Variants in PTPRD observed in about 807,000 individuals in gnomAD.
PTPRD encodes the protein receptor-type tyrosine-protein phosphatase delta.
Under a neutral mutation model 214.5 loss-of-function variants are expected in PTPRD, and 34 were observed. The ratio of observed to expected loss-of-function variants is 0.16; its 90% CI spans 0.12 to 0.21. The LOEUF is 0.21. Among genes scored for constraint, PTPRD ranks in the 10% least tolerant of loss-of-function variants. The probability of loss-of-function intolerance (pLI) is 1.00; values close to 1 mark genes in which losing one functional copy is unlikely to be tolerated. For synonymous variants in PTPRD, 1,128 were observed against 845.7 expected (o/e 1.33, Z -5.79); for missense variants, 2,545 against 2,398.7 (o/e 1.06, Z -1.27).
intron 12 of PTPRD, among the ~76,000 whole-genome samples, chr9:8,714,869 T>G (rs1454800112): frequency 6.6e-6 from 1 of 152,156 alleles, no homozygotes; most frequent in Non-Finnish European, 1.5e-5. Context: ...TTATCAATTG[T>G]ATTGTTTATT....
At chr9:9,827,747 C>T (rs995802625) in intron 5 of PTPRD, among the ~76,000 whole-genome samples, 2 of 151,976 alleles carry the variant, frequency 1.3e-5, no homozygotes, top group East Asian at 1.9e-4. Flanking sequence ...AAAATGTTTG[C>T]AATCTACTCA....
chr9:9,075,588 G>A (rs958175622), intron 10 of PTPRD, among the ~76,000 whole-genome samples: 4 of 151,912 alleles, frequency 2.6e-5, no homozygotes, highest in Non-Finnish European at 4.4e-5. Context: ...AGGCCCTGAT[G>A]TGTGATGTTC....
At chr9:8,839,739 CT>C (rs368142882) in intron 11 of PTPRD, among the ~76,000 whole-genome samples, 1 of 152,290 alleles carries the variant, frequency 6.6e-6, no homozygotes, top group Non-Finnish European at 1.5e-5. Context: ...CTCTATTAAA[CT>C]GTTCCTCAAA....
rs561623619 is a variant in PTPRD at position 8,592,550 on chromosome 9, G to T, written c.352+40767C>A. ...CATTTTGATTACAGTCGACACCAAAGGCATTCACACTTGAGATACTGACTG... is the reference window on the plus strand; with the variant it reads ...CATTTTGATTACAGTCGACACCAAATGCATTCACACTTGAGATACTGACTG... On this transcript the variant is annotated intron_variant, in intron 14 of 45. Coordinates refer to ENST00000381196, the MANE Select transcript of PTPRD (RefSeq NM_002839.4). 9.2e-5 allele frequency among the ~76,000 whole-genome samples: 14 copies of T among 152,150 alleles called. No individual in the cohort carries two copies. In the South Asian group the frequency reaches 2.3e-3, roughly 25 times the overall value.
At chr9:8,778,397 TC>T (rs1313286743) in intron 11 of PTPRD, among the ~76,000 whole-genome samples, 2 of 152,198 alleles carry the variant, frequency 1.3e-5, no homozygotes, top group African/African-American at 4.8e-5. Context: ...TCTGTTGTAT[TC>T]CTGACAGCTC....
At chr9:9,923,009 C>T (rs2083030887) in intron 5 of PTPRD, among the ~76,000 whole-genome samples, 3 of 151,744 alleles carry the variant, frequency 2.0e-5, no homozygotes, top group Admixed American at 2.0e-4. Context: ...TACTACCATA[C>T]TGTAGGTAAG....
chr9:9,183,694 T>C (rs2099929600), intron 9 of PTPRD, among the ~76,000 whole-genome samples: 1 of 152,172 alleles, frequency 6.6e-6, no homozygotes, highest in Admixed American at 6.6e-5. Flanking sequence ...TTAAGTCCAG[T>C]AAACATCTTG....
chr9:10,141,094 G>T (rs541007565), intron 3 of PTPRD, among the ~76,000 whole-genome samples: 1 of 141,844 alleles, frequency 7.1e-6, no homozygotes, highest in African/African-American at 2.6e-5. Flanking sequence ...TTGATGGGAC[G>T]TATCTCAAAA....
chr9:8,822,531 A>G (rs1343561074), intron 11 of PTPRD, among the ~76,000 whole-genome samples: 2 of 152,198 alleles, frequency 1.3e-5, no homozygotes, highest in South Asian at 4.1e-4. Flanking sequence ...TGGTTGTTGA[A>G]GGCTAATGTT....
intron 5 of PTPRD, among the ~76,000 whole-genome samples, chr9:9,917,760 TATCTC>T (rs933841866): frequency 3.9e-5 from 6 of 152,032 alleles, no homozygotes; most frequent in African/African-American, 1.4e-4. Context: ...AAATGGGAGT[TATCTC>T]AGAAATGCAA....
chr9:9,697,166 G>A (rs566995131), intron 7 of PTPRD, among the ~76,000 whole-genome samples: 1 of 151,878 alleles, frequency 6.6e-6, no homozygotes, highest in South Asian at 2.1e-4. Flanking sequence ...CTATTTTTTT[G>A]ATAGATTGCT....
At chr9:9,831,802 G>A (rs1032709633) in intron 5 of PTPRD, among the ~76,000 whole-genome samples, 4 of 151,916 alleles carry the variant, frequency 2.6e-5, no homozygotes, top group African/African-American at 9.7e-5. Flanking sequence ...CAAGGTGGAG[G>A]GATGTATTTT....
chr9:9,804,120 C>T lies in PTPRD; in HGVS notation c.-367-37269G>A, dbSNP rs943587797. On this transcript the variant is annotated intron_variant, in intron 5 of 45. Transcript: ENST00000381196. Reference sequence around the variant, plus strand: ...GCTGTTTTTGATCAGCTTCTAACCTCAAGAAAAACTATTTTTCACTGGAAT... The same window carrying T: ...GCTGTTTTTGATCAGCTTCTAACCTTAAGAAAAACTATTTTTCACTGGAAT... Among the ~76,000 whole-genome samples, 54 of 152,052 alleles carry T rather than the reference C, an allele frequency of 3.6e-4. 1 individual carries two copies. The highest frequency in any genetic ancestry group is 1.3e-3 in the African/African-American group (52 of 41,430).
chr9:10,410,880 C>T (rs1325505013), intron 2 of PTPRD, among the ~76,000 whole-genome samples: 8 of 151,822 alleles, frequency 5.3e-5, no homozygotes, highest in South Asian at 2.1e-4. Context: ...AGTCTGCCTA[C>T]GTTTAAATCA....
intron 2 of PTPRD, among the ~76,000 whole-genome samples, chr9:10,435,583 T>C (rs1012201686): frequency 6.6e-6 from 1 of 151,910 alleles, no homozygotes; most frequent in Non-Finnish European, 1.5e-5. Context: ...TACTTCAAAT[T>C]ATTCTTATTT....
intron 5 of PTPRD, among the ~76,000 whole-genome samples, chr9:9,851,027 T>C (rs1369456289): frequency 1.3e-5 from 2 of 152,198 alleles, no homozygotes; most frequent in Admixed American, 6.5e-5. Flanking sequence ...GACAAAATTA[T>C]TTAACCTAAC....
At chr9:9,999,354 T>C (rs988838892) in intron 4 of PTPRD, among the ~76,000 whole-genome samples, 6 of 152,172 alleles carry the variant, frequency 3.9e-5, no homozygotes, top group African/African-American at 1.4e-4. Context: ...TCATGAAAGA[T>C]AAGTAACTGG....
At chr9:8,834,729 T>C (rs1156478116) in intron 11 of PTPRD, among the ~76,000 whole-genome samples, 1 of 152,194 alleles carries the variant, frequency 6.6e-6, no homozygotes, top group African/African-American at 2.4e-5. Flanking sequence ...AAAAAACTGT[T>C]TGACCCACAG....
intron 3 of PTPRD, among the ~76,000 whole-genome samples, chr9:10,280,833 T>G (rs536449000): frequency 6.6e-6 from 1 of 152,168 alleles, no homozygotes; most frequent in South Asian, 2.1e-4. Context: ...CAGGCTGGTC[T>G]TGAACTCCTG....
Sources: gnomAD v4.1 joint callset for allele counts (sites outside exome capture counted in the v4.1 genomes callset) on GRCh38, gnomAD v4.1.1 for gene constraint, MANE v1.5 for transcripts, NCBI Gene and HGNC (gene_info 2026-07-23, HGNC 2026-07-21) for gene names.